The following TTK variants were observed in gnomAD, a reference collection of about 807,000 sequenced individuals.
TTK encodes dual specificity protein kinase TTK.
Under a neutral mutation model 117.3 loss-of-function variants are expected in TTK, and 59 were observed. The observed-to-expected ratio is 0.50, with a 90% confidence interval of 0.41 to 0.62. The LOEUF (loss-of-function observed/expected upper bound fraction) is 0.62, where lower values mean the gene tolerates loss of function less well. Ranked by LOEUF, TTK falls within the 20% of genes least tolerant of loss-of-function variation. TTK has a pLI of 0.00. For synonymous variants in TTK, 302 were observed against 325.0 expected (o/e 0.93, Z 0.76); for missense variants, 921 against 989.4 (o/e 0.93, Z 0.93).
intron 21 of TTK, among the ~76,000 whole-genome samples, chr6:80,041,790 G>C (rs942843879): frequency 1.3e-5 from 2 of 150,990 alleles, no homozygotes; most frequent in Non-Finnish European, 3.0e-5. Flanking sequence ...AATATATTTT[G>C]TATAGGAATT....
intron 21 of TTK, among the ~76,000 whole-genome samples, chr6:80,041,625 A>T (rs568630535): frequency 3.1e-4 from 47 of 151,658 alleles, no homozygotes; most frequent in Non-Finnish European, 6.4e-4. Context: ...GAGGGCAAAG[A>T]TGTCTGCCAT....
intron 4 of TTK, among the ~76,000 whole-genome samples, chr6:80,008,929 C>CTCTGTGTGTG (rs1040111456): frequency 7.0e-6 from 1 of 142,406 alleles, no homozygotes; most frequent in East Asian, 2.2e-4. Context: ...AACTATATAT[C>CTCTGTGTGTG]TGTGTGTGTG....
chr6:80,029,456 G>A (rs1767697737), intron 13 of TTK, among the ~76,000 whole-genome samples: 1 of 152,210 alleles, frequency 6.6e-6, no homozygotes, highest in Non-Finnish European at 1.5e-5. Flanking sequence ...AAACAAAAAT[G>A]ATCCAGTTTG....
chr6:80,032,102 T>C (rs1430264949), intron 14 of TTK, among the ~76,000 whole-genome samples: 1 of 152,202 alleles, frequency 6.6e-6, no homozygotes, highest in Non-Finnish European at 1.5e-5. Flanking sequence ...TTTACCATCA[T>C]TAATTGTCAT....
Position 80,039,977 on chromosome 6 carries a change from C to T in TTK, c.2307+105C>T, listed in dbSNP as rs1018138202. ...ATAACTGTTCTATTCAAAAGAATTG[C>T]TAACTGAATTAGTTTTTTTACTTTG... is the stretch of plus-strand genomic sequence containing the variant. On this transcript the variant is annotated intron_variant, in intron 19 of 21. Coordinates refer to ENST00000369798, the MANE Select transcript of TTK (RefSeq NM_003318.5). 5.6e-6 allele frequency: 6 copies of T among 1,075,928 alleles called. No individual in the cohort carries two copies. The African/African-American group carries it at 1.0e-4, about 18-fold the overall frequency. 66.6% of individuals were successfully genotyped at this position (1,075,928 alleles called of 1,614,324 possible). A position where few individuals can be genotyped will look rare whatever the true frequency, so the allele number is the denominator to read the frequency against.
intron 21 of TTK, among the ~76,000 whole-genome samples, chr6:80,041,494 T>C (rs752240879): frequency 4.0e-4 from 60 of 151,640 alleles, no homozygotes; most frequent in Non-Finnish European, 7.1e-4. Flanking sequence ...ACCAAATTTG[T>C]TTTGTAATTG....
intron 18 of TTK, among the ~76,000 whole-genome samples, 175 bp downstream of exon 18, chr6:80,038,222 T>C (rs975836471): frequency 6.6e-6 from 1 of 152,192 alleles, no homozygotes; most frequent in African/African-American, 2.4e-5. Context: ...CACTTATTCG[T>C]TTGTGAATTC....
intron 16 of TTK, 111 bp from the exon 17 acceptor site, chr6:80,036,364 T>A: frequency 8.0e-7 from 1 of 1,253,576 alleles, no homozygotes; most frequent in Non-Finnish European, 1.1e-6. Context: ...AATTATTGAA[T>A]TGGGTTCACT....
intron 13 of TTK, among the ~76,000 whole-genome samples, chr6:80,029,061 T>C (rs7750439): frequency 2.0e-5 from 3 of 152,184 alleles, no homozygotes; most frequent in Non-Finnish European, 2.9e-5. Context: ...GAAATGTTAG[T>C]AGCAATTGTT....
intron 10 of TTK, among the ~76,000 whole-genome samples, chr6:80,020,717 T>C (rs1418656159): frequency 6.6e-6 from 1 of 151,962 alleles, no homozygotes; most frequent in African/African-American, 2.4e-5. Context: ...TATTCTGGAG[T>C]CCAAAAGAGG....
intron 10 of TTK, among the ~76,000 whole-genome samples, chr6:80,018,686 T>C (rs1430470007): frequency 6.6e-6 from 1 of 152,118 alleles, no homozygotes; most frequent in Non-Finnish European, 1.5e-5. Context: ...TAACTTTCTT[T>C]TCTATGCCTT....
In TTK at chr6:80,026,508, T is replaced by A; in HGVS notation, c.1388T>A (p.Met463Lys). The change falls in exon 12 of 22, where the codon ATG becomes AAG. Residue 463 changes from methionine (M) to lysine (K), a missense_variant. Physicochemically the swap from Met to Lys is moderately conservative, Grantham distance 95. Coordinates refer to ENST00000369798, the MANE Select transcript of TTK (RefSeq NM_003318.5). ...TPSSNTLDDY[M>K]SCFRTPVVKN... ...AGCAGCAATACCTTGGATGATTACA[T>A]GAGCTGGTAATTACTTTGGCCCCTT... 6.2e-7 allele frequency: 1 copy of A among 1,613,700 alleles called. No individual in the cohort carries two copies. The highest frequency in any genetic ancestry group is 8.5e-7 in the Non-Finnish European group (1 of 1,179,812).
chr6:80,025,150 G>A (rs1417512749), intron 11 of TTK, among the ~76,000 whole-genome samples: 1 of 152,028 alleles, frequency 6.6e-6, no homozygotes, highest in African/African-American at 2.4e-5. Context: ...CTCCAAAATC[G>A]CAGATGCTAA....
At chr6:80,012,120 C>T (rs1173385494) in intron 8 of TTK, 140 bp downstream of exon 8, 6 of 683,742 alleles carry the variant, frequency 8.8e-6, no homozygotes, top group East Asian at 6.0e-5. Context: ...TAAATGTTGT[C>T]AGGAACAAAG....
intron 13 of TTK, among the ~76,000 whole-genome samples, chr6:80,031,254 C>T (rs537094270): frequency 4.4e-4 from 66 of 151,596 alleles, no homozygotes; most frequent in African/African-American, 1.6e-3. Context: ...TAAGTCAAAA[C>T]TAGTTAAAGG....
At chr6:80,022,210 TGA>T in intron 10 of TTK, 112 bp from the exon 11 acceptor site, 1 of 1,157,366 alleles carries the variant, frequency 8.6e-7, no homozygotes, top group East Asian at 2.6e-5. Flanking sequence ...TCTCCCTCCT[TGA>T]TTGTTTTTAA....
Position 80,042,256 on chromosome 6 carries a change from T to C in TTK, c.*54T>C, listed in dbSNP as rs1288673579. On this transcript the variant is annotated 3_prime_UTR_variant, in exon 22 of 22. Transcript: ENST00000369798. ...ACCTATAAAATATATTGGACTGTTA[T>C]ACTCTTGAATCCCTGTGGAAATCTA... 7 of 1,372,618 alleles carry C rather than the reference T, an allele frequency of 5.1e-6. No individual in the cohort carries two copies. Among genetic ancestry groups the C allele is most frequent in the South Asian group, 3.9e-5 (3 of 76,214 alleles). 85.0% of individuals were successfully genotyped at this position (1,372,618 alleles called of 1,614,324 possible).
intron 12 of TTK, 36 bp downstream of exon 12, chr6:80,026,550 G>C: frequency 6.2e-7 from 1 of 1,609,510 alleles, no homozygotes; most frequent in Non-Finnish European, 8.5e-7. Flanking sequence ...TTGGCAGGGT[G>C]GTATGATAGA....
chr6:80,005,392 G>A (rs762462576), intron 1 of TTK, among the ~76,000 whole-genome samples: 1 of 152,202 alleles, frequency 6.6e-6, no homozygotes, highest in Non-Finnish European at 1.5e-5. Flanking sequence ...TTTATATTCT[G>A]CTTTGAAAGC....
Sources: allele counts gnomAD v4.1 joint callset (sites outside exome capture counted in the v4.1 genomes callset), GRCh38; gene constraint gnomAD v4.1.1; transcripts MANE v1.5; gene names NCBI Gene and HGNC (gene_info 2026-07-23, HGNC 2026-07-21).